The following ERBB4 variants were observed in gnomAD, a reference collection of about 807,000 sequenced individuals.
ERBB4 encodes receptor tyrosine-protein kinase erbB-4.
A neutral mutation model predicts 158.0 loss-of-function variants in ERBB4; 42 were observed. The observed-to-expected ratio is 0.27, with a 90% confidence interval of 0.21 to 0.34. The LOEUF (loss-of-function observed/expected upper bound fraction) is 0.34, where lower values mean the gene tolerates loss of function less well. ERBB4 is among the 10% of genes least tolerant of loss of function. The pLI, the probability that ERBB4 is intolerant of heterozygous loss-of-function variation, is 1.00. For synonymous variants in ERBB4, 583 were observed against 558.7 expected, an observed-to-expected ratio of 1.04 and a Z score of -0.61; for missense variants, 1,333 against 1,624.1, an observed-to-expected ratio of 0.82 and a Z score of 3.08.
intron 1 of ERBB4, among the ~76,000 whole-genome samples, chr2:212,191,992 A>ATGT (rs2082264425): frequency 2.5e-5 from 3 of 120,486 alleles, no homozygotes; most frequent in African/African-American, 6.5e-5. Context: ...GTTATATGTT[A>ATGT]TATATGTTAT....
At chr2:211,643,292 G>C (rs140163404) in intron 16 of ERBB4, among the ~76,000 whole-genome samples, 1 of 152,072 alleles carries the variant, frequency 6.6e-6, no homozygotes, top group African/African-American at 2.4e-5. Context: ...TCTGTCCTTG[G>C]ATCTAATGCT....
chr2:211,786,302 C>T lies in ERBB4; in HGVS notation c.556+1723G>A, dbSNP rs569421152. ...GAAATAAATTGACTAAAGATAAAAC[C>T]ATAATAGTCAAAAAACAGTCAATTC... On this transcript the variant is annotated intron_variant, in intron 4 of 27. Coordinates refer to ENST00000342788, the MANE Select transcript of ERBB4 (RefSeq NM_005235.3). Among the ~76,000 whole-genome samples the T allele has an allele frequency of 3.9e-5, 6 of 152,082 alleles. No individual in the cohort carries two copies. In the East Asian group the frequency reaches 1.2e-3, roughly 29 times the overall value.
chr2:212,012,993 C>T (rs973488721), intron 2 of ERBB4, among the ~76,000 whole-genome samples: 3 of 152,124 alleles, frequency 2.0e-5, no homozygotes, highest in African/African-American at 7.2e-5. Flanking sequence ...CATCCCCCTG[C>T]CCCAGACTCC....
intron 1 of ERBB4, among the ~76,000 whole-genome samples, chr2:212,313,866 A>C (rs942645015): frequency 6.6e-6 from 1 of 151,148 alleles, no homozygotes; most frequent in African/African-American, 2.4e-5. Context: ...CTCCTGAATC[A>C]TCAAGGTGTT....
intron 20 of ERBB4, among the ~76,000 whole-genome samples, chr2:211,467,961 C>T (rs186479235): frequency 6.6e-6 from 1 of 152,108 alleles, no homozygotes; most frequent in Admixed American, 6.6e-5. Context: ...AAGGAGCAAT[C>T]TAAGGATACT....
intron 1 of ERBB4, among the ~76,000 whole-genome samples, chr2:212,438,043 A>C (rs1274274869): frequency 1.3e-5 from 2 of 152,034 alleles, no homozygotes; most frequent in Non-Finnish European, 2.9e-5. Flanking sequence ...GCACATGTTT[A>C]GAGTGAGTTG....
chr2:211,662,248 G>A lies in ERBB4; in HGVS notation c.1871+3075C>T, dbSNP rs112428761. Among the ~76,000 whole-genome samples the A allele has an allele frequency of 7.6e-3, 1,154 of 151,918 alleles. 13 individuals are homozygous for A. Among genetic ancestry groups the A allele is most frequent in the African/African-American group, 0.026 (1,075 of 41,420 alleles). The stretch of plus-strand genomic sequence containing the variant: ...AACCAAAGTTAAACGGACATTAAAT[G>A]AGCACATACTCAAGTGATATTAGTG... On this transcript the variant is annotated intron_variant, in intron 15 of 27. Transcript: ENST00000342788.
At chr2:211,679,258 T>A in intron 12 of ERBB4, 74 bp from the exon 13 acceptor site, 2 of 1,542,508 alleles carry the variant, frequency 1.3e-6, no homozygotes, top group Non-Finnish European at 1.8e-6. Context: ...TAGGTAATGC[T>A]ATTTCTAAAG....
chr2:212,134,669 A>G (rs1268468787), intron 1 of ERBB4, among the ~76,000 whole-genome samples: 2 of 147,896 alleles, frequency 1.4e-5, no homozygotes, highest in Non-Finnish European at 3.0e-5. Flanking sequence ...AATTAACTAA[A>G]CACTTTCTTT....
At chr2:211,516,238 C>T (rs184865412) in intron 20 of ERBB4, among the ~76,000 whole-genome samples, 2 of 151,818 alleles carry the variant, frequency 1.3e-5, no homozygotes, top group African/African-American at 4.8e-5. Flanking sequence ...TTTTCACCAC[C>T]ACACAGCCAT....
chr2:211,756,504 T>C (rs1352168613), intron 4 of ERBB4, among the ~76,000 whole-genome samples: 4 of 152,176 alleles, frequency 2.6e-5, no homozygotes, highest in Admixed American at 2.6e-4. Flanking sequence ...AGTTTGGAGT[T>C]TACTCTGTGT....
At chr2:211,420,759 C>T (rs1012854428) in intron 24 of ERBB4, 148 bp from the exon 25 acceptor site, 26 of 714,344 alleles carry the variant, frequency 3.6e-5, no homozygotes, top group African/African-American at 2.5e-4. Context: ...GCACAACCAC[C>T]GGCCATTAAG....
intron 20 of ERBB4, among the ~76,000 whole-genome samples, chr2:211,499,246 C>T (rs1213584120): frequency 6.6e-5 from 10 of 151,984 alleles, no homozygotes; most frequent in South Asian, 2.1e-4. Flanking sequence ...TGACTCAGGC[C>T]GGGTGCCGTG....
chr2:212,162,508 T>C (rs2081232210), intron 1 of ERBB4, among the ~76,000 whole-genome samples: 1 of 151,854 alleles, frequency 6.6e-6, no homozygotes, highest in Non-Finnish European at 1.5e-5. Flanking sequence ...TTGCATGTAT[T>C]TGATAAAACA....
At chr2:211,623,089 A>AAGAATAATTC (rs943143067) in intron 18 of ERBB4, among the ~76,000 whole-genome samples, 7 of 135,942 alleles carry the variant, frequency 5.1e-5, no homozygotes, top group African/African-American at 1.4e-4. Flanking sequence ...TGGATATTAC[A>AAGAATAATTC]AGAATAATTC....
chr2:212,139,035 T>C (rs2080360466), intron 1 of ERBB4, among the ~76,000 whole-genome samples: 1 of 152,124 alleles, frequency 6.6e-6, no homozygotes, highest in Non-Finnish European at 1.5e-5. Context: ...TTTGGAGTGT[T>C]TTCCCATAAA....
intron 19 of ERBB4, among the ~76,000 whole-genome samples, chr2:211,566,307 T>A (rs2067545569): frequency 1.3e-5 from 2 of 152,158 alleles, no homozygotes; most frequent in African/African-American, 4.8e-5. Context: ...GGATCAGAAC[T>A]GGTAAGAACG....
intron 2 of ERBB4, among the ~76,000 whole-genome samples, chr2:212,014,954 A>C (rs553309340): frequency 7.0e-4 from 103 of 147,972 alleles, no homozygotes; most frequent in African/African-American, 2.2e-3. Context: ...GCACTTTGGG[A>C]GGCGAAGGCG....
chr2:211,769,260 T>C (rs1162357615), intron 4 of ERBB4, among the ~76,000 whole-genome samples: 1 of 152,200 alleles, frequency 6.6e-6, no homozygotes, highest in Non-Finnish European at 1.5e-5. Flanking sequence ...TCATTCTCCA[T>C]ATCACTATCA....
Sources: allele counts gnomAD v4.1 joint callset (sites outside exome capture counted in the v4.1 genomes callset), GRCh38; gene constraint gnomAD v4.1.1; transcripts MANE v1.5; gene names NCBI Gene and HGNC (gene_info 2026-07-23, HGNC 2026-07-21).